The following CTDSPL2 variants were observed in gnomAD, a reference collection of about 807,000 sequenced individuals.
CTDSPL2 encodes the protein CTD small phosphatase like 2, also known as CTD small phosphatase-like protein 2.
CTDSPL2 carries 5 observed loss-of-function variants against 60.0 expected under a neutral mutation model. That is an observed-to-expected ratio of 0.08 (90% CI 0.04 to 0.18). CTDSPL2 has a LOEUF of 0.18. CTDSPL2 is among the 10% of genes least tolerant of loss of function. CTDSPL2 has a pLI of 1.00. For missense variants in CTDSPL2, 370 were observed against 548.8 expected (o/e 0.67, Z 3.26); for synonymous variants, 186 against 189.3 (o/e 0.98, Z 0.14).
In CTDSPL2 at chr15:44,439,928, C is replaced by T. The variant is rs60337896; in HGVS notation, c.-25+12156C>T. On this transcript the variant is annotated intron_variant, in intron 1 of 12. Coordinates refer to ENST00000260327, the MANE Select transcript of CTDSPL2 (RefSeq NM_016396.3). Reference sequence around the variant, plus strand: ...CTCATAAAATGAGTTGGGAAGTGTTCCCTTCTATTTTCTGGAAGAGTTTAT... The same window carrying T: ...CTCATAAAATGAGTTGGGAAGTGTTTCCTTCTATTTTCTGGAAGAGTTTAT... Among the ~76,000 whole-genome samples the T allele has an allele frequency of 4.4e-3, 668 of 152,092 alleles. 18 individuals are homozygous for T. In the East Asian group the frequency reaches 0.046, roughly 10 times the overall value.
chr15:44,448,700 C>T, intron 1 of CTDSPL2: 2 of 328,352 alleles, frequency 6.1e-6, no homozygotes, highest in South Asian at 5.9e-5. Context: ...GCCCTGTTTC[C>T]CATTCCAGTG....
chr15:44,521,329 A>G lies in CTDSPL2; in HGVS notation c.1258A>G (p.Ile420Val). 1 of 1,531,000 alleles carries G rather than the reference A, an allele frequency of 6.5e-7. No homozygotes were observed. The highest frequency in any genetic ancestry group is 9.0e-7 in the Non-Finnish European group (1 of 1,109,896). The allele number at this position is 1,531,000 out of a possible 1,614,324, so 94.8% of individuals were successfully genotyped here. ...GTTTTAGCTTTCTAATGGAATCCCT[A>G]TAGAAAGTTGGTTTATGGATAAAAA... ...FAYQLSNGIP[I>V]ESWFMDKNDN... Residue 420 changes from isoleucine to valine, a missense_variant, in exon 12 of 13, where the codon ATA (isoleucine) becomes GTA (valine). This residue lies in a region of CTDSPL2 where 46 missense variants were observed against 126.0 expected (regional missense o/e 0.37). Coordinates refer to ENST00000260327, the MANE Select transcript of CTDSPL2 (RefSeq NM_016396.3).
chr15:44,501,820 T>C (rs902804385), intron 8 of CTDSPL2: 3 of 347,448 alleles, frequency 8.6e-6, no homozygotes, highest in African/African-American at 6.4e-5. Flanking sequence ...TAATATTGGG[T>C]ACATTCCCTT....
chr15:44,442,509 C>G (rs2080111558), intron 1 of CTDSPL2, among the ~76,000 whole-genome samples: 2 of 151,404 alleles, frequency 1.3e-5, no homozygotes, highest in Non-Finnish European at 2.9e-5. Flanking sequence ...TATTTTAGCA[C>G]TTGGTGTACC....
intron 4 of CTDSPL2, among the ~76,000 whole-genome samples, chr15:44,489,543 T>G (rs1397484327): frequency 6.6e-6 from 1 of 152,178 alleles, no homozygotes; most frequent in African/African-American, 2.4e-5. Flanking sequence ...TATTAGAATT[T>G]TAGGCTTCAG....
At chr15:44,518,062 T>G (rs547740832) in intron 10 of CTDSPL2, among the ~76,000 whole-genome samples, 1 of 152,272 alleles carries the variant, frequency 6.6e-6, no homozygotes, top group South Asian at 2.1e-4. Context: ...TAAGGTTGAG[T>G]TTTTATTTGT....
Position 44,468,615 on chromosome 15 carries a change from G to T in CTDSPL2, c.186+9415G>T, listed in dbSNP as rs574179316. Among the ~76,000 whole-genome samples, 682 of 152,204 alleles carry T rather than the reference G, an allele frequency of 4.5e-3. 4 individuals carry two copies. Among genetic ancestry groups the T allele is most frequent in the African/African-American group, 0.016 (649 of 41,528 alleles). ...CATTTTCTATAAATATTTCAGGTAAGAAATATTTTAGGCTTTGTGGACAAT... is the reference window on the plus strand; with the variant it reads ...CATTTTCTATAAATATTTCAGGTAATAAATATTTTAGGCTTTGTGGACAAT... On this transcript the variant is annotated intron_variant, in intron 2 of 12. Coordinates refer to ENST00000260327, the MANE Select transcript of CTDSPL2 (RefSeq NM_016396.3).
chr15:44,441,189 T>A (rs963675484), intron 1 of CTDSPL2, among the ~76,000 whole-genome samples: 4 of 152,156 alleles, frequency 2.6e-5, no homozygotes, highest in African/African-American at 9.7e-5. Flanking sequence ...AGACCCTGGG[T>A]CCAACACTGT....
At chr15:44,428,680 C>T (rs1404928017) in intron 1 of CTDSPL2, among the ~76,000 whole-genome samples, 1 of 152,142 alleles carries the variant, frequency 6.6e-6, no homozygotes, top group Non-Finnish European at 1.5e-5. Context: ...AACGCAGTAC[C>T]AAGATGAATT....
At chr15:44,467,822 G>A (rs1327330922) in intron 2 of CTDSPL2, among the ~76,000 whole-genome samples, 2 of 152,094 alleles carry the variant, frequency 1.3e-5, no homozygotes, top group Non-Finnish European at 1.5e-5. Flanking sequence ...TGATCTACTC[G>A]CCTCGGCCTC....
intron 2 of CTDSPL2, among the ~76,000 whole-genome samples, chr15:44,470,740 G>A (rs920538247): frequency 6.6e-6 from 1 of 152,040 alleles, no homozygotes; most frequent in Non-Finnish European, 1.5e-5. Flanking sequence ...GAGCCACCAC[G>A]CCTGGCCTAC....
chr15:44,459,933 C>G (rs536805609), intron 2 of CTDSPL2, among the ~76,000 whole-genome samples: 1 of 152,230 alleles, frequency 6.6e-6, no homozygotes, highest in East Asian at 1.9e-4. Context: ...GACCAGGAGT[C>G]TTGTACTCCA....
At position 44,528,333 on chromosome 15, in the gene CTDSPL2, C is replaced by G. The variant is rs559622901; in HGVS notation, c.*4159C>G. ...GGATCTCGAGAGGGGCCTGAGAGTTCTGGCTTTTTTTTTTTGTTTGGTTGG... is the reference window on the plus strand; with the variant it reads ...GGATCTCGAGAGGGGCCTGAGAGTTGTGGCTTTTTTTTTTTGTTTGGTTGG... On this transcript the variant is annotated 3_prime_UTR_variant, in exon 13 of 13. Coordinates refer to ENST00000260327, the MANE Select transcript of CTDSPL2 (RefSeq NM_016396.3). 7 of 146,996 alleles carry G rather than the reference C, an allele frequency of 4.8e-5. No individual in the cohort carries two copies. The highest frequency in any genetic ancestry group is 1.8e-4 in the African/African-American group (7 of 38,524). The allele number at this position is 146,996 out of a possible 1,614,324, so 9.1% of individuals were successfully genotyped here.
At chr15:44,509,061 A>G (rs2140852992) in intron 8 of CTDSPL2, among the ~76,000 whole-genome samples, 1 of 152,342 alleles carries the variant, frequency 6.6e-6, no homozygotes, top group East Asian at 1.9e-4. Flanking sequence ...GGTTTGATAA[A>G]CTAGTAGAAA....
At chr15:44,508,086 T>C (rs1301262526) in intron 8 of CTDSPL2, among the ~76,000 whole-genome samples, 1 of 152,006 alleles carries the variant, frequency 6.6e-6, no homozygotes, top group Non-Finnish European at 1.5e-5. Flanking sequence ...TTCTTTTTTT[T>C]TCTTTTTTTT....
chr15:44,456,351 G>T (rs559116766), intron 1 of CTDSPL2, among the ~76,000 whole-genome samples: 2 of 152,156 alleles, frequency 1.3e-5, no homozygotes, highest in African/African-American at 2.4e-5. Flanking sequence ...GTAGAATTCC[G>T]CTGTGAATCC....
intron 1 of CTDSPL2, 135 bp downstream of exon 1, chr15:44,427,907 C>G (rs1331451512): frequency 2.6e-6 from 1 of 380,960 alleles, no homozygotes; most frequent in Non-Finnish European, 4.6e-6. Flanking sequence ...GGCATGCACT[C>G]TTTGGCGCCT....
rs781324677 is a variant in CTDSPL2, at chr15:44,499,773, C to A, written c.929C>A (p.Ala310Glu). Residue 310 changes from alanine (A) to glutamate (E), a missense_variant, in exon 8 of 13, where the codon GCA becomes GAA. Transcript: ENST00000260327. Reference protein sequence around the residue: ...HCSLNELEDAALTFPVLFQDV... With the variant: ...HCSLNELEDAELTFPVLFQDV... ...AGTCTAAATGAGCTAGAAGATGCAG[C>A]ACTTACTTTTCCAGTCCTTTTCCAA... is the stretch of plus-strand genomic sequence containing the variant. The A allele has an allele frequency of 6.2e-7, 1 of 1,609,060 alleles. No individual in the cohort carries two copies. Among genetic ancestry groups the A allele is most frequent in the Non-Finnish European group, 8.5e-7 (1 of 1,176,682 alleles).
At chr15:44,506,883 C>T (rs906411479) in intron 8 of CTDSPL2, among the ~76,000 whole-genome samples, 2 of 152,018 alleles carry the variant, frequency 1.3e-5, no homozygotes, top group Admixed American at 1.3e-4. Context: ...TCTCCTGCCT[C>T]AGCCTCCCGA....
Sources: gnomAD v4.1 joint callset for allele counts (sites outside exome capture counted in the v4.1 genomes callset) on GRCh38, gnomAD v4.1.1 for gene constraint, gnomAD v4.1.1 regional missense constraint, MANE v1.5 for transcripts, NCBI Gene and HGNC (gene_info 2026-07-23, HGNC 2026-07-21) for gene names.